The following TSKS variants were observed in gnomAD, a reference collection of about 807,000 sequenced individuals.
The protein encoded by TSKS is testis specific serine kinase substrate, also known as testis-specific serine kinase substrate.
In TSKS, 27 loss-of-function variants were observed where a neutral mutation model predicts 68.0. The ratio of observed to expected loss-of-function variants is 0.40; its 90% CI spans 0.29 to 0.55. TSKS has a LOEUF of 0.55. TSKS is among the 20% of genes least tolerant of loss of function. The probability of loss-of-function intolerance (pLI) is 0.53; values close to 1 mark genes in which losing one functional copy is unlikely to be tolerated. For synonymous variants in TSKS, 331 were observed against 340.4 expected, an observed-to-expected ratio of 0.97 and a Z score of 0.30; for missense variants, 806 against 776.0, an observed-to-expected ratio of 1.04 and a Z score of -0.46.
chr19:49,745,745 G>C (rs1472400159), intron 6 of TSKS, among the ~76,000 whole-genome samples: 1 of 151,872 alleles, frequency 6.6e-6, no homozygotes, highest in Non-Finnish European at 1.5e-5. Context: ...CCTAAGCCCC[G>C]CCCACCTCAG....
chr19:49,760,511 A>G (rs1037322548), intron 2 of TSKS, among the ~76,000 whole-genome samples: 2 of 151,782 alleles, frequency 1.3e-5, no homozygotes, highest in East Asian at 1.9e-4. Flanking sequence ...TAATTTTTGT[A>G]TTTTTAGTAG....
intron 2 of TSKS, among the ~76,000 whole-genome samples, chr19:49,761,092 C>CAATA (rs10653677): frequency 0.28 from 42,593 of 150,708 alleles, 7,004 homozygotes; most frequent in African/African-American, 0.46. Context: ...AACTCTGTCT[C>CAATA]AATAAATAAA....
intron 2 of TSKS, among the ~76,000 whole-genome samples, chr19:49,752,755 C>A (rs1370551042): frequency 6.6e-6 from 1 of 152,186 alleles, no homozygotes; most frequent in South Asian, 2.1e-4. Context: ...TCTGTAGAAG[C>A]CTTGAAATGT....
In TSKS at chr19:49,762,231, C is replaced by T. The variant is rs763809457; in HGVS notation, c.172G>A (p.Val58Met). Residue 58 changes from valine to methionine, a missense_variant and splice_region_variant, in exon 2 of 11, where the codon GTG (valine) becomes ATG (methionine). Val to Met is a conservative substitution (Grantham distance 21, BLOSUM62 1). Coordinates refer to ENST00000246801, the MANE Select transcript of TSKS (RefSeq NM_021733.2). The stretch of plus-strand genomic sequence containing the variant: ...GGCTGATGGGACATCTGGGGCTCCA[C>T]CCTGCAGAGAAGAAACAGGCAGAAA... Reference protein sequence around the residue: ...KKKKAVSFHGVEPQMSHQPMH... With the variant: ...KKKKAVSFHGMEPQMSHQPMH... The T allele has an allele frequency of 3.7e-6, 6 of 1,613,248 alleles. No individual in the cohort carries two copies. Among genetic ancestry groups the T allele is most frequent in the East Asian group, 2.2e-5 (1 of 44,864 alleles).
At chr19:49,749,735 C>G (rs544696391) in intron 2 of TSKS, among the ~76,000 whole-genome samples, 2 of 152,056 alleles carry the variant, frequency 1.3e-5, no homozygotes, top group Non-Finnish European at 2.9e-5. Context: ...CTCAGCCTCC[C>G]AAGTTGCTAA....
At chr19:49,753,938 G>T (rs1356547977) in intron 2 of TSKS, among the ~76,000 whole-genome samples, 7 of 148,978 alleles carry the variant, frequency 4.7e-5, no homozygotes, top group Admixed American at 4.0e-4. Context: ...AGGCTGGAGT[G>T]CAGTGGCATG....
chr19:49,761,555 C>T (rs1292971088), intron 2 of TSKS, among the ~76,000 whole-genome samples: 1 of 152,236 alleles, frequency 6.6e-6, no homozygotes, highest in African/African-American at 2.4e-5. Flanking sequence ...GGGAATTTCT[C>T]ACCCTAGTCT....
At chr19:49,747,597 G>T in intron 4 of TSKS, 125 bp from the exon 5 acceptor site, 3 of 932,344 alleles carry the variant, frequency 3.2e-6, no homozygotes, top group Non-Finnish European at 5.0e-6. Context: ...ACACTCACCA[G>T]CTCATTTCCT....
intron 2 of TSKS, among the ~76,000 whole-genome samples, chr19:49,752,413 C>T (rs992539909): frequency 2.0e-5 from 3 of 150,696 alleles, no homozygotes; most frequent in Admixed American, 1.3e-4. Context: ...ACTTGTGTGG[C>T]ATCTCCTTGC....
At chr19:49,759,673 GA>G (rs1302255933) in intron 2 of TSKS, among the ~76,000 whole-genome samples, 1 of 143,666 alleles carries the variant, frequency 7.0e-6, no homozygotes, top group Non-Finnish European at 1.5e-5. Context: ...CCGAAAGAAA[GA>G]AAAAAATTTG....
At chr19:49,747,047 C>T (rs920368114) in intron 5 of TSKS, 7 of 1,315,636 alleles carry the variant, frequency 5.3e-6, no homozygotes, top group Admixed American at 4.6e-5. Context: ...GCCCTCCAGG[C>T]GTCAAATACC....
rs2084448076 is a variant in TSKS at position 49,762,179 on chromosome 19, C to T, written c.224G>A (p.Arg75Gln). 1.2e-6 allele frequency: 2 copies of T among 1,614,072 alleles called. No individual in the cohort carries two copies. Among genetic ancestry groups the T allele is most frequent in the Non-Finnish European group, 1.7e-6 (2 of 1,180,020 alleles). Residue 75 changes from arginine (R) to glutamine (Q), a missense_variant, in exon 2 of 11, where the codon CGG (arginine) becomes CAG (glutamine). Transcript: ENST00000246801. ...TGACACGTTGGTGCAGGCCGAGGAC[C>T]GTTTGAGGTTCAGGCACCAGTGCAT... ...QPMHWCLNLK[R>Q]SSACTNVSLL... is the part of the protein sequence containing the mutation.
intron 7 of TSKS, among the ~76,000 whole-genome samples, chr19:49,744,815 C>T (rs1332419101): frequency 6.6e-6 from 1 of 152,126 alleles, no homozygotes; most frequent in African/African-American, 2.4e-5. Context: ...GTCTTGCACT[C>T]CTGGCCTCAA....
At chr19:49,747,120 G>A in intron 5 of TSKS, 2 of 1,511,414 alleles carry the variant, frequency 1.3e-6, no homozygotes, top group Non-Finnish European at 1.8e-6. Context: ...AAATGAGTGG[G>A]CATGTGGACA....
At chr19:49,761,861 G>C in intron 2 of TSKS, 143 bp downstream of exon 2, 1 of 650,974 alleles carries the variant, frequency 1.5e-6, no homozygotes, top group South Asian at 2.0e-5. Context: ...GGAGGAGGCA[G>C]TTCCCAGTTA....
intron 2 of TSKS, among the ~76,000 whole-genome samples, chr19:49,752,397 A>C (rs1055875723): frequency 2.5e-4 from 38 of 151,884 alleles, no homozygotes; most frequent in Non-Finnish European, 5.9e-5. Flanking sequence ...AAAAAAAAAA[A>C]AAAAAACTTG....
At chr19:49,758,363 A>G (rs1042079310) in intron 2 of TSKS, among the ~76,000 whole-genome samples, 1 of 152,120 alleles carries the variant, frequency 6.6e-6, no homozygotes, top group Non-Finnish European at 1.5e-5. Context: ...ACAGAGAAGG[A>G]ACTTGAAGCC....
At position 49,748,457 on chromosome 19, in the gene TSKS, T is replaced by C. The variant is rs141348181; in HGVS notation, c.412A>G (p.Ser138Gly). Residue 138 changes from serine to glycine, a missense_variant, in exon 3 of 11, where the codon AGT becomes GGT. By Grantham distance (56) the Ser-to-Gly change is moderately conservative (BLOSUM62 0). Coordinates refer to ENST00000246801, the MANE Select transcript of TSKS (RefSeq NM_021733.2). ...DITEILSGVN[S>G]GLVRAKDSIT... ...GAGTCTTTGGCGCGGACCAATCCAC[T>C]GTTGACCCCACTCTGGGGAAGAATG... The C allele has an allele frequency of 1.2e-6, 2 of 1,614,142 alleles. No individual in the cohort carries two copies. The highest frequency in any genetic ancestry group is 1.7e-6 in the Non-Finnish European group (2 of 1,180,000).
intron 2 of TSKS, among the ~76,000 whole-genome samples, chr19:49,752,845 C>T (rs2084362197): frequency 2.0e-5 from 3 of 152,126 alleles, no homozygotes; most frequent in Admixed American, 1.3e-4. Flanking sequence ...CTGAGAAGGC[C>T]CCAAGCTTTT....
Sources: allele counts gnomAD v4.1 joint callset (sites outside exome capture counted in the v4.1 genomes callset), GRCh38; gene constraint gnomAD v4.1.1; transcripts MANE v1.5; gene names NCBI Gene and HGNC (gene_info 2026-07-23, HGNC 2026-07-21).